Variants in TNFAIP8 observed in about 807,000 individuals in gnomAD.
TNFAIP8 encodes tumor necrosis factor alpha-induced protein 8.
Under a neutral mutation model 13.3 loss-of-function variants are expected in TNFAIP8, and 7 were observed. The ratio of observed to expected loss-of-function variants is 0.52; its 90% CI spans 0.30 to 0.99. The LOEUF (loss-of-function observed/expected upper bound fraction) is 0.99. TNFAIP8 is among the 50% of genes least tolerant of loss of function. The pLI is 0.07. For missense variants in TNFAIP8, 258 were observed against 236.9 expected (o/e 1.09, Z -0.58); for synonymous variants, 94 against 87.6 (o/e 1.07, Z -0.41).
chr5:119,379,793 A>G (rs576256555), intron 1 of TNFAIP8, among the ~76,000 whole-genome samples: 44 of 152,162 alleles, frequency 2.9e-4, no homozygotes, highest in Admixed American at 2.2e-3. Context: ...GGGTCTCTCC[A>G]TGTTGGCCAG....
At chr5:119,319,636 T>C (rs1749996532) in intron 1 of TNFAIP8, among the ~76,000 whole-genome samples, 1 of 152,236 alleles carries the variant, frequency 6.6e-6, no homozygotes, top group South Asian at 2.1e-4. Context: ...TAAGTCCAAC[T>C]AGCCTGGAAC....
At chr5:119,386,199 T>C (rs1248379969) in intron 1 of TNFAIP8, among the ~76,000 whole-genome samples, 1 of 152,222 alleles carries the variant, frequency 6.6e-6, no homozygotes, top group East Asian at 1.9e-4. Context: ...TTTAAGAGGA[T>C]AAATTCATGA....
chr5:119,315,907 C>A (rs1441518648), intron 1 of TNFAIP8, among the ~76,000 whole-genome samples: 2 of 152,074 alleles, frequency 1.3e-5, no homozygotes, highest in Non-Finnish European at 2.9e-5. Flanking sequence ...TTCTCTGAGG[C>A]TGGTTTAATG....
rs1753130528 is a variant in TNFAIP8, at chr5:119,398,785, T to C, written c.*5404T>C. 6.6e-6 allele frequency: 1 copy of C among 152,182 alleles called. No individual in the cohort carries two copies. The highest frequency in any genetic ancestry group is 1.5e-5 in the Non-Finnish European group (1 of 68,036). 9.4% of individuals were successfully genotyped at this position (152,182 alleles called of 1,614,324 possible). A position where few individuals can be genotyped will look rare whatever the true frequency, so the allele number is the denominator to read the frequency against. ...GACGCGGAAATAAAAACTCAGAGTA[T>C]AAATATCTATATTGTTACCATTATC... On this transcript the variant is annotated 3_prime_UTR_variant, in exon 2 of 2. Coordinates refer to ENST00000504771, the MANE Select transcript of TNFAIP8 (RefSeq NM_014350.4).
intron 1 of TNFAIP8, among the ~76,000 whole-genome samples, chr5:119,386,181 G>A (rs1056727753): frequency 3.9e-5 from 6 of 152,240 alleles, no homozygotes; most frequent in Admixed American, 2.6e-4. Flanking sequence ...GTGTTACAAG[G>A]TATGTTTTTT....
chr5:119,272,464 G>A lies in TNFAIP8; in HGVS notation c.1+3557G>A, dbSNP rs75304199. On this transcript the variant is annotated intron_variant, in intron 1 of 1. Coordinates refer to the TNFAIP8 transcript ENST00000274456. ...GTGGCAAAAATGGGTTTGGAATTCT[G>A]TTGTGTTTCACAAGGGCAGTAGAAT... is the stretch of plus-strand genomic sequence containing the variant. Among the ~76,000 whole-genome samples the A allele has an allele frequency of 1.4e-3, 218 of 152,344 alleles. 2 individuals carry two copies. The highest frequency in any genetic ancestry group is 4.4e-3 in the African/African-American group (182 of 41,572).
intron 1 of TNFAIP8, among the ~76,000 whole-genome samples, chr5:119,330,945 G>A (rs1351318358): frequency 6.6e-6 from 1 of 152,078 alleles, no homozygotes; most frequent in African/African-American, 2.4e-5. Flanking sequence ...CTGCAGAGTT[G>A]TGCCCACCAA....
At chr5:119,328,691 G>T (rs1750292612) in intron 1 of TNFAIP8, among the ~76,000 whole-genome samples, 1 of 152,240 alleles carries the variant, frequency 6.6e-6, no homozygotes, top group South Asian at 2.1e-4. Flanking sequence ...GGGAGGATGA[G>T]AAATTTAACT....
rs112467741 is a variant in TNFAIP8, at chr5:119,391,387, A to G, written c.32-1429A>G. 7.7e-3 allele frequency: 5,422 copies of G among 702,406 alleles called. 47 individuals are homozygous for G. The highest frequency in any genetic ancestry group is 0.012 in the Non-Finnish European group (4,645 of 384,892). The allele number at this position is 702,406 out of a possible 1,614,324, so 43.5% of individuals were successfully genotyped here. A position where few individuals can be genotyped will look rare whatever the true frequency, so the allele number is the denominator to read the frequency against. On this transcript the variant is annotated intron_variant, in intron 1 of 1. Transcript: ENST00000504771. ...CAGGCCTAGGCTTAAACACTGGCATATATGGAGAGAACAGTTGCCACTCGA... is the reference window on the plus strand; with the variant it reads ...CAGGCCTAGGCTTAAACACTGGCATGTATGGAGAGAACAGTTGCCACTCGA...
intron 1 of TNFAIP8, among the ~76,000 whole-genome samples, chr5:119,305,139 A>C (rs150775130): frequency 1.8e-4 from 28 of 152,356 alleles, no homozygotes; most frequent in African/African-American, 5.8e-4. Context: ...TGTAAGCAGA[A>C]TCTAAATAAG....
Position 119,392,799 on chromosome 5 carries a change from T to TC in TNFAIP8, c.32-16dup, listed in dbSNP as rs1404575297. 3 of 1,493,738 alleles carry TC rather than the reference T, an allele frequency of 2.0e-6. No homozygotes were observed. The South Asian group carries it at 3.9e-5, about 20-fold the overall frequency. The allele number at this position is 1,493,738 out of a possible 1,614,324, so 92.5% of individuals were successfully genotyped here. ...TTACTAATTGTTAATTCTTTTCCTCTCTTTTTTTTTTTTTAGTGGCCACAG... is the reference window on the plus strand; with the variant it reads ...TTACTAATTGTTAATTCTTTTCCTCTCCTTTTTTTTTTTTTAGTGGCCACAG... On this transcript the variant is annotated splice_polypyrimidine_tract_variant and intron_variant, in intron 1 of 1. Transcript: ENST00000504771.
chr5:119,322,204 T>G (rs952096420), intron 1 of TNFAIP8, among the ~76,000 whole-genome samples: 1 of 152,220 alleles, frequency 6.6e-6, no homozygotes, highest in Non-Finnish European at 1.5e-5. Context: ...ACAGCGTTTA[T>G]CTCCACTCAA....
chr5:119,325,288 G>A (rs547361796), intron 1 of TNFAIP8, among the ~76,000 whole-genome samples: 1 of 152,184 alleles, frequency 6.6e-6, no homozygotes, highest in South Asian at 2.1e-4. Context: ...GGAGTTTTAA[G>A]GTTTTTGATC....
chr5:119,312,409 G>C (rs1227081238), intron 1 of TNFAIP8, among the ~76,000 whole-genome samples: 1 of 152,146 alleles, frequency 6.6e-6, no homozygotes. Flanking sequence ...ATAGTAAGTG[G>C]TAAGTGCTCA....
intron 1 of TNFAIP8, among the ~76,000 whole-genome samples, chr5:119,326,177 C>T (rs962904409): frequency 1.3e-5 from 2 of 152,144 alleles, no homozygotes; most frequent in East Asian, 3.9e-4. Context: ...GAAGAAATCA[C>T]CCTGTCGTTT....
intron 1 of TNFAIP8, among the ~76,000 whole-genome samples, chr5:119,332,075 G>A (rs537585254): frequency 1.3e-4 from 20 of 152,290 alleles, no homozygotes; most frequent in African/African-American, 3.9e-4. Context: ...AGGTATAAGT[G>A]TCATATCGCT....
intron 1 of TNFAIP8, among the ~76,000 whole-genome samples, chr5:119,293,295 C>G (rs1193389488): frequency 2.0e-5 from 3 of 152,050 alleles, no homozygotes; most frequent in Non-Finnish European, 2.9e-5. Context: ...TACAGTAGAT[C>G]CTTTTGAACT....
chr5:119,352,550 T>G (rs905690395), upstream of TNFAIP8, among the ~76,000 whole-genome samples: 3 of 152,176 alleles, frequency 2.0e-5, no homozygotes, highest in African/African-American at 7.2e-5. Context: ...TGAATGTGAG[T>G]GGAATATTTG....
At chr5:119,342,361 C>A (rs978010033) in intron 1 of TNFAIP8, among the ~76,000 whole-genome samples, 4 of 152,154 alleles carry the variant, frequency 2.6e-5, no homozygotes, top group Admixed American at 1.3e-4. Flanking sequence ...TTATTCAGAC[C>A]CATGTCAGAG....
Sources: allele counts gnomAD v4.1 joint callset (sites outside exome capture counted in the v4.1 genomes callset), GRCh38; gene constraint gnomAD v4.1.1; transcripts MANE v1.5; gene names NCBI Gene and HGNC (gene_info 2026-07-23, HGNC 2026-07-21).